Variants in RNF157 observed in about 807,000 individuals in gnomAD.
RNF157 encodes E3 ubiquitin ligase RNF157.
RNF157 carries 55 observed loss-of-function variants against 88.3 expected under a neutral mutation model. That is an observed-to-expected ratio of 0.62 (90% CI 0.50 to 0.78). The LOEUF (loss-of-function observed/expected upper bound fraction) is 0.78, where lower values mean the gene tolerates loss of function less well. RNF157 is among the 30% of genes least tolerant of loss of function. The pLI is 0.00. For missense variants in RNF157, 788 were observed against 860.8 expected (o/e 0.92, Z 1.06); for synonymous variants, 334 against 341.2 (o/e 0.98, Z 0.23).
intron 2 of RNF157, among the ~76,000 whole-genome samples, chr17:76,210,235 G>T (rs1166669177): frequency 2.0e-5 from 3 of 152,116 alleles, no homozygotes; most frequent in African/African-American, 7.2e-5. Context: ...AAGCAGACAA[G>T]ATTTGGTATT....
intron 11 of RNF157, 58 bp from the exon 12 acceptor site, chr17:76,159,631 G>T: frequency 1.6e-6 from 2 of 1,243,508 alleles, no homozygotes; most frequent in Non-Finnish European, 2.3e-6. Flanking sequence ...TTTATGACGT[G>T]ATCATGCTAC....
At chr17:76,173,626 G>A in intron 3 of RNF157, 76 bp downstream of exon 3, 1 of 1,142,002 alleles carries the variant, frequency 8.8e-7, no homozygotes, top group Admixed American at 2.1e-5. Context: ...TGAGTTCCTT[G>A]GGAAGTCTGT....
intron 3 of RNF157, among the ~76,000 whole-genome samples, chr17:76,169,470 C>T (rs2068979230): frequency 6.6e-6 from 1 of 151,864 alleles, no homozygotes; most frequent in South Asian, 2.1e-4. Flanking sequence ...TGGGGTCTCA[C>T]TATGTTGCCC....
rs1568040131 is a variant in RNF157, at chr17:76,176,052, C to T, written c.208-2262G>A. 2.0e-5 allele frequency among the ~76,000 whole-genome samples: 3 copies of T among 152,196 alleles called. No individual in the cohort carries two copies. Among genetic ancestry groups the T allele is most frequent in the Non-Finnish European group, 4.4e-5 (3 of 68,034 alleles). On this transcript the variant is annotated intron_variant, in intron 2 of 18. Transcript: ENST00000269391. The surrounding 1 kb of genome is among the most constrained non-coding windows in gnomAD (Gnocchi z 4.2). ...CAAATCTGTTCAGGAGAAGCTTGTTCGTGGGCTGCTACCCACCAAAGTTTG... is the reference window on the plus strand; with the variant it reads ...CAAATCTGTTCAGGAGAAGCTTGTTTGTGGGCTGCTACCCACCAAAGTTTG...
chr17:76,143,768 T>C lies in RNF157; in HGVS notation c.*1467A>G, dbSNP rs2068546528. 2 of 152,146 alleles carry C rather than the reference T, an allele frequency of 1.3e-5. No homozygotes were observed. Among genetic ancestry groups the C allele is most frequent in the African/African-American group, 4.8e-5 (2 of 41,402 alleles). The allele number at this position is 152,146 out of a possible 1,614,324, so 9.4% of individuals were successfully genotyped here. A position where few individuals can be genotyped will look rare whatever the true frequency, so the allele number is the denominator to read the frequency against. On this transcript the variant is annotated 3_prime_UTR_variant, in exon 19 of 19. Transcript: ENST00000269391. ...CCTTGGAAACAGCCTTGAATTTTTT[T>C]TTTTTTGTTTGAGACAGAGTTTCGA...
At chr17:76,182,006 A>G (rs899619269) in intron 2 of RNF157, among the ~76,000 whole-genome samples, 1 of 152,140 alleles carries the variant, frequency 6.6e-6, no homozygotes, top group Non-Finnish European at 1.5e-5. Context: ...TGAGTACTGA[A>G]CTAGGCCTGA....
At chr17:76,175,094 C>G (rs1203588723) in intron 2 of RNF157, among the ~76,000 whole-genome samples, 1 of 152,194 alleles carries the variant, frequency 6.6e-6, no homozygotes, top group East Asian at 1.9e-4. Flanking sequence ...TCCATCCATC[C>G]TGTCCACCTC....
intron 7 of RNF157, 133 bp downstream of exon 7, chr17:76,165,369 C>T (rs1256998459): frequency 2.4e-6 from 2 of 846,344 alleles, no homozygotes; most frequent in East Asian, 2.5e-5. Context: ...CTCACTGCAA[C>T]CTCTTTCACC....
chr17:76,216,695 C>T (rs2069894837), intron 1 of RNF157, among the ~76,000 whole-genome samples: 1 of 151,760 alleles, frequency 6.6e-6, no homozygotes. Context: ...TAAAAATGTT[C>T]ACAATATATT....
intron 1 of RNF157, among the ~76,000 whole-genome samples, chr17:76,219,511 T>C (rs976105031): frequency 1.3e-5 from 2 of 151,950 alleles, no homozygotes; most frequent in Non-Finnish European, 2.9e-5. Flanking sequence ...AATCTTAAAG[T>C]GATTATCTAT....
chr17:76,166,369 G>A, intron 6 of RNF157, 92 bp downstream of exon 6: 2 of 1,019,790 alleles, frequency 2.0e-6, no homozygotes, highest in Non-Finnish European at 3.1e-6. Context: ...CACCCACAAA[G>A]AAGGCATGTT....
intron 2 of RNF157, among the ~76,000 whole-genome samples, chr17:76,210,352 G>A (rs1022829464): frequency 3.3e-5 from 5 of 151,826 alleles, no homozygotes; most frequent in Admixed American, 2.0e-4. Flanking sequence ...CCAGCACTTT[G>A]GGAGGCCAAG....
chr17:76,226,838 G>A lies in RNF157; in HGVS notation c.88+13315C>T, dbSNP rs1215913983. 2.7e-6 allele frequency: 4 copies of A among 1,471,112 alleles called. No individual in the cohort carries two copies. The East Asian group carries it at 9.1e-5, about 34-fold the overall frequency. The allele number at this position is 1,471,112 out of a possible 1,614,324, so 91.1% of individuals were successfully genotyped here. A position where few individuals can be genotyped will look rare whatever the true frequency, so the allele number is the denominator to read the frequency against. On this transcript the variant is annotated intron_variant, in intron 1 of 18. Transcript: ENST00000269391. The stretch of plus-strand genomic sequence containing the variant: ...GTGCTTTGCTGGAATCGAGTAATGT[G>A]CTTAATTCGAAGGTGTCTTTGTCGG...
chr17:76,228,793 C>T (rs939907214), intron 1 of RNF157, among the ~76,000 whole-genome samples: 4 of 151,976 alleles, frequency 2.6e-5, no homozygotes, highest in African/African-American at 4.8e-5. Context: ...TGGTGGTGGG[C>T]GCCTGTAATC....
chr17:76,187,643 G>C (rs1475076623), intron 2 of RNF157, among the ~76,000 whole-genome samples: 1 of 151,704 alleles, frequency 6.6e-6, no homozygotes, highest in Admixed American at 6.6e-5. Flanking sequence ...GCCCAGGCTG[G>C]AGTGCAGTGT....
intron 14 of RNF157, 54 bp from the exon 15 acceptor site, chr17:76,155,788 A>C (rs2144816035): frequency 7.0e-7 from 1 of 1,430,172 alleles, no homozygotes; most frequent in Non-Finnish European, 9.3e-7. Context: ...GGGCTTCTGC[A>C]AGCTTTCTGG....
chr17:76,199,414 A>G (rs2069533313), intron 2 of RNF157, among the ~76,000 whole-genome samples: 1 of 151,872 alleles, frequency 6.6e-6, no homozygotes, highest in African/African-American at 2.4e-5. Context: ...GCTCCATCAT[A>G]CACAGCTAAT....
chr17:76,168,521 G>A (rs1014941285), intron 3 of RNF157, among the ~76,000 whole-genome samples: 6 of 150,424 alleles, frequency 4.0e-5, no homozygotes, highest in Non-Finnish European at 7.4e-5. Context: ...CTCTCAAGAC[G>A]TTCAGATGCA....
chr17:76,162,022 T>A lies in RNF157; in HGVS notation c.793-20A>T. 1 of 1,609,518 alleles carries A rather than the reference T, an allele frequency of 6.2e-7. No homozygotes were observed. Among genetic ancestry groups the A allele is most frequent in the Non-Finnish European group, 8.5e-7 (1 of 1,176,856 alleles). On this transcript the variant is annotated intron_variant, in intron 9 of 18. Transcript: ENST00000269391. ...AGCCACCTGGCCAAGGAGAAAGAAATGTAGCCAATGGCACAAAGCCCTTCC... is the reference window on the plus strand; with the variant it reads ...AGCCACCTGGCCAAGGAGAAAGAAAAGTAGCCAATGGCACAAAGCCCTTCC...
Sources: allele counts gnomAD v4.1 joint callset (sites outside exome capture counted in the v4.1 genomes callset), GRCh38; gene constraint gnomAD v4.1.1; non-coding constraint Gnocchi (gnomAD v3.1); transcripts MANE v1.5; gene names NCBI Gene and HGNC (gene_info 2026-07-23, HGNC 2026-07-21).